USP45: variants seen among roughly 807,000 people sequenced by gnomAD.
USP45 encodes the protein ubiquitin specific peptidase 45.
USP45 carries 89 observed loss-of-function variants against 95.8 expected under a neutral mutation model. That is an observed-to-expected ratio of 0.93 (90% CI 0.78 to 1.11). USP45 has a LOEUF of 1.11. USP45 is among the 50% of genes least tolerant of loss of function. The pLI is 0.00. For synonymous variants in USP45, 281 were observed against 316.2 expected (o/e 0.89, Z 1.18); for missense variants, 898 against 942.5 (o/e 0.95, Z 0.62).
At chr6:99,457,024 T>C (rs1785244443) in intron 13 of USP45, among the ~76,000 whole-genome samples, 1 of 152,112 alleles carries the variant, frequency 6.6e-6, no homozygotes, top group Non-Finnish European at 1.5e-5. Flanking sequence ...AGGGATGAAA[T>C]AGACCCCAGT....
At chr6:99,436,031 G>A (rs1780409811) in intron 17 of USP45, among the ~76,000 whole-genome samples, 185 bp from the exon 18 acceptor site, 1 of 150,900 alleles carries the variant, frequency 6.6e-6, no homozygotes, top group South Asian at 2.1e-4. Context: ...ATATTTTTAA[G>A]TTCTGGAATA....
intron 13 of USP45, among the ~76,000 whole-genome samples, chr6:99,453,035 C>G (rs6903138): frequency 0.98 from 149,052 of 152,194 alleles, 73,065 homozygotes; most frequent in East Asian, 1. Flanking sequence ...TGTGGGGTGG[C>G]GGGAGCAGGG....
chr6:99,435,088 G>GACCAGGAAC lies in USP45; in HGVS notation c.*627_*628insGTTCCTGGT, dbSNP rs1780253648. 1.3e-5 allele frequency: 2 copies of GACCAGGAAC among 152,368 alleles called. No homozygotes were observed. Among genetic ancestry groups the GACCAGGAAC allele is most frequent in the South Asian group, 2.1e-4 (1 of 4,832 alleles). 9.4% of individuals were successfully genotyped at this position (152,368 alleles called of 1,614,324 possible). A position where few individuals can be genotyped will look rare whatever the true frequency, so the allele number is the denominator to read the frequency against. On this transcript the variant is annotated 3_prime_UTR_variant, in exon 18 of 18. Transcript: ENST00000500704. ...ACCAGGGAACTACACCGTATTAGGT[G>GACCAGGAAC]TTACTTCATGAAATTATGTGTTATA...
At chr6:99,512,174 C>T (rs543817205) in intron 1 of USP45, among the ~76,000 whole-genome samples, 6 of 152,136 alleles carry the variant, frequency 3.9e-5, no homozygotes, top group Non-Finnish European at 7.4e-5. Flanking sequence ...CAGAACAGTT[C>T]TTCCAACCTG....
chr6:99,437,657 T>TC (rs968665479), intron 16 of USP45, among the ~76,000 whole-genome samples: 1 of 151,860 alleles, frequency 6.6e-6, no homozygotes, highest in Non-Finnish European at 1.5e-5. Context: ...GTTTCTTTTT[T>TC]TCTCTCTCTC....
intron 10 of USP45, 33 bp downstream of exon 10, chr6:99,468,504 A>G: frequency 7.3e-7 from 1 of 1,374,702 alleles, no homozygotes; most frequent in African/African-American, 1.5e-5. Context: ...ATATTTTCTT[A>G]AAGAAAAAAG....
chr6:99,459,410 T>C (rs7760158), intron 13 of USP45, among the ~76,000 whole-genome samples: 46,621 of 152,090 alleles, frequency 0.31, 7,439 homozygotes, highest in Middle Eastern at 0.39. Context: ...GTTGATTCCA[T>C]GTCTTTGCTA....
At position 99,433,882 on chromosome 6, in the gene USP45, A is replaced by T. The variant is rs1184934972; in HGVS notation, c.*1834T>A. On this transcript the variant is annotated 3_prime_UTR_variant, in exon 18 of 18. Coordinates refer to ENST00000500704, the MANE Select transcript of USP45 (RefSeq NM_001346022.3). ...ATCTTTCTGTAAGAAAAATTAGGTG[A>T]TCTATATTTACATTTGGGCAGTGGG... The T allele has an allele frequency of 1.3e-5, 2 of 152,156 alleles. No homozygotes were observed. The highest frequency in any genetic ancestry group is 3.9e-4 in the East Asian group (2 of 5,188). 9.4% of individuals were successfully genotyped at this position (152,156 alleles called of 1,614,324 possible).
chr6:99,437,306 TC>T lies in USP45; in HGVS notation c.2253del (p.Val753Ter), dbSNP rs1243609143. The T allele has an allele frequency of 6.2e-7, 1 of 1,613,792 alleles. No individual in the cohort carries two copies. ...AATTTCCTGGAGGGTGTTCTCACTT[TC>T]ACATAAGCAGTGTAGTGGCCTTCTC... is the stretch of plus-strand genomic sequence containing the variant. ...SMREGHYTAY[V>X]KVRTPSRKLS... On this transcript the variant is annotated frameshift_variant, in exon 17 of 18. Coordinates refer to ENST00000500704, the MANE Select transcript of USP45 (RefSeq NM_001346022.3). LOFTEE classifies it high-confidence loss of function.
At chr6:99,495,482 T>C (rs988403706) in intron 5 of USP45, among the ~76,000 whole-genome samples, 1 of 152,170 alleles carries the variant, frequency 6.6e-6, no homozygotes, top group Non-Finnish European at 1.5e-5. Flanking sequence ...CTCCCTTAAA[T>C]TGTCACCTCT....
intron 5 of USP45, chr6:99,501,718 A>C (rs1464500355): frequency 4.8e-6 from 1 of 208,694 alleles, no homozygotes; most frequent in Non-Finnish European, 9.1e-6. Flanking sequence ...AGAAACTATT[A>C]TCCTATACAC....
chr6:99,497,095 C>T (rs1328080134), intron 5 of USP45, among the ~76,000 whole-genome samples: 1 of 152,090 alleles, frequency 6.6e-6, no homozygotes, highest in Non-Finnish European at 1.5e-5. Flanking sequence ...ACCCCTTCTT[C>T]CCCTCAACCC....
chr6:99,506,790 T>C (rs1317895805), intron 4 of USP45, among the ~76,000 whole-genome samples: 1 of 152,190 alleles, frequency 6.6e-6, no homozygotes, highest in Non-Finnish European at 1.5e-5. Context: ...CTTCAGAAAA[T>C]GACCTGACTG....
At chr6:99,493,599 AT>A (rs1795668389) in intron 5 of USP45, among the ~76,000 whole-genome samples, 1 of 152,058 alleles carries the variant, frequency 6.6e-6, no homozygotes, top group African/African-American at 2.4e-5. Flanking sequence ...CTGGGTTCAA[AT>A]GATTCTCCTG....
At position 99,433,663 on chromosome 6, in the gene USP45, A is replaced by G. The variant is rs1780040284; in HGVS notation, c.*2053T>C. On this transcript the variant is annotated 3_prime_UTR_variant, in exon 18 of 18. Transcript: ENST00000500704. ...CTCCTTTAACATGAAGAAAATGACA[A>G]TAAAAATATCTTACTTGCATGTTAC... 6.6e-6 allele frequency: 1 copy of G among 152,224 alleles called. No homozygotes were observed. The highest frequency in any genetic ancestry group is 1.5e-5 in the Non-Finnish European group (1 of 68,040). 9.4% of individuals were successfully genotyped at this position (152,224 alleles called of 1,614,324 possible).
intron 17 of USP45, among the ~76,000 whole-genome samples, chr6:99,436,725 G>A (rs1780555108): frequency 6.6e-6 from 1 of 152,098 alleles, no homozygotes. Flanking sequence ...AAAATACCAT[G>A]TCATCTCATA....
chr6:99,514,389 C>G (rs1255453847), intron 1 of USP45, among the ~76,000 whole-genome samples: 3 of 152,176 alleles, frequency 2.0e-5, no homozygotes, highest in African/African-American at 7.2e-5. Context: ...ACATACTGTT[C>G]AGCACAAACC....
chr6:99,471,678 T>A (rs562498288), intron 9 of USP45, among the ~76,000 whole-genome samples: 2 of 152,358 alleles, frequency 1.3e-5, no homozygotes, highest in African/African-American at 4.8e-5. Context: ...TATTCCTCAA[T>A]GTTGTAGTTC....
At chr6:99,506,766 G>A (rs952592271) in intron 4 of USP45, among the ~76,000 whole-genome samples, 1 of 152,134 alleles carries the variant, frequency 6.6e-6, no homozygotes, top group Non-Finnish European at 1.5e-5. Context: ...CTTATGCCCA[G>A]CTCTTCCCTC....
Sources: allele counts gnomAD v4.1 joint callset (sites outside exome capture counted in the v4.1 genomes callset), GRCh38; gene constraint gnomAD v4.1.1; transcripts MANE v1.5; gene names NCBI Gene and HGNC (gene_info 2026-07-23, HGNC 2026-07-21).